CFHR5: variants seen among roughly 807,000 people sequenced by gnomAD.
CFHR5 encodes the protein complement factor H-related protein 5.
CFHR5 carries 73 observed loss-of-function variants against 62.9 expected under a neutral mutation model. The ratio of observed to expected loss-of-function variants is 1.16; its 90% CI spans 0.96 to 1.41. The LOEUF (loss-of-function observed/expected upper bound fraction) is 1.41. Ranked by LOEUF, CFHR5 falls within the 40% of genes most tolerant of loss-of-function variation. CFHR5 has a pLI of 0.00. For missense variants in CFHR5, 779 were observed against 679.9 expected (o/e 1.15, Z -1.62); for synonymous variants, 249 against 227.2 (o/e 1.10, Z -0.86).
At chr1:197,000,393 G>A (rs536327424) in intron 7 of CFHR5, among the ~76,000 whole-genome samples, 1 of 152,186 alleles carries the variant, frequency 6.6e-6, no homozygotes, top group African/African-American at 2.4e-5. Context: ...TTTTATATCA[G>A]TGCTGTTTCA....
intron 3 of CFHR5, 89 bp from the exon 4 acceptor site, chr1:196,993,991 A>G (rs1013613270): frequency 1.0e-6 from 1 of 963,608 alleles, no homozygotes; most frequent in Non-Finnish European, 1.7e-6. Context: ...TCTGTATATG[A>G]AGCCCCTTGC....
At chr1:196,991,533 C>T (rs550951645) in intron 3 of CFHR5, among the ~76,000 whole-genome samples, 26 of 152,186 alleles carry the variant, frequency 1.7e-4, no homozygotes, top group African/African-American at 6.3e-4. Context: ...ATGTTGGTGA[C>T]CTACAGATGG....
intron 9 of CFHR5, among the ~76,000 whole-genome samples, chr1:197,007,207 G>T (rs1330144669): frequency 6.6e-6 from 1 of 151,828 alleles, no homozygotes; most frequent in Non-Finnish European, 1.5e-5. Context: ...CATGCAATAT[G>T]GGGAAATTGT....
intron 3 of CFHR5, among the ~76,000 whole-genome samples, chr1:196,991,488 C>G (rs1419257308): frequency 6.6e-6 from 1 of 152,120 alleles, no homozygotes; most frequent in Non-Finnish European, 1.5e-5. Context: ...CTGGTTTCTC[C>G]CCATCTTTGT....
chr1:197,007,564 C>T (rs2125041218), intron 9 of CFHR5, among the ~76,000 whole-genome samples: 1 of 150,888 alleles, frequency 6.6e-6, no homozygotes, highest in East Asian at 1.9e-4. Flanking sequence ...CTCTAATATA[C>T]ATACAAGTGT....
chr1:196,979,165 C>T (rs1653471345), intron 1 of CFHR5, among the ~76,000 whole-genome samples: 1 of 152,036 alleles, frequency 6.6e-6, no homozygotes, highest in South Asian at 2.1e-4. Flanking sequence ...GACAACGCCA[C>T]CCACCCCTCA....
Sources: gnomAD v4.1 joint callset for allele counts (sites outside exome capture counted in the v4.1 genomes callset) on GRCh38, gnomAD v4.1.1 for gene constraint, MANE v1.5 for transcripts, NCBI Gene and HGNC (gene_info 2026-07-23, HGNC 2026-07-21) for gene names.